Variants in KCNK5 observed in about 807,000 individuals in gnomAD.
KCNK5 encodes potassium two pore domain channel subfamily K member 5.
A neutral mutation model predicts 32.9 loss-of-function variants in KCNK5; 18 were observed. The observed-to-expected ratio is 0.55, with a 90% confidence interval of 0.38 to 0.81. The LOEUF (loss-of-function observed/expected upper bound fraction) is 0.81. Ranked by LOEUF, KCNK5 falls within the 30% of genes least tolerant of loss-of-function variation. The probability of loss-of-function intolerance (pLI) is 0.00; values close to 1 mark genes in which losing one functional copy is unlikely to be tolerated. For missense variants in KCNK5, 507 were observed against 651.0 expected, an observed-to-expected ratio of 0.78 and a Z score of 2.41; for synonymous variants, 276 against 275.3, an observed-to-expected ratio of 1.00 and a Z score of -0.03.
At chr6:39,195,712 G>A (rs1190210936) in intron 2 of KCNK5, among the ~76,000 whole-genome samples, 164 bp downstream of exon 2, 1 of 152,224 alleles carries the variant, frequency 6.6e-6, no homozygotes, top group African/African-American at 2.4e-5. Flanking sequence ...GGCATGATCA[G>A]CTACCAAGGA....
chr6:39,204,212 G>A (rs543684159), intron 1 of KCNK5, among the ~76,000 whole-genome samples: 1 of 152,364 alleles, frequency 6.6e-6, no homozygotes, highest in South Asian at 2.1e-4. Flanking sequence ...CTGGAGTATG[G>A]ATCACATTTG....
intron 1 of KCNK5, among the ~76,000 whole-genome samples, chr6:39,197,840 A>C (rs1207965239): frequency 6.6e-6 from 1 of 152,242 alleles, no homozygotes; most frequent in Non-Finnish European, 1.5e-5. Context: ...ATGATAATTG[A>C]ATCACTGATC....
chr6:39,194,661 A>G lies in KCNK5; in HGVS notation c.398T>C (p.Leu133Pro). The G allele has an allele frequency of 6.2e-6, 10 of 1,614,152 alleles. No individual in the cohort carries two copies. Among genetic ancestry groups the G allele is most frequent in the Non-Finnish European group, 8.5e-6 (10 of 1,180,024 alleles). The change falls in exon 3 of 5, where the codon CTG becomes CCG. Residue 133 changes from leucine (L) to proline (P), a missense_variant. Physicochemically the swap from Leu to Pro is moderately conservative, Grantham distance 98. Coordinates refer to ENST00000359534, the MANE Select transcript of KCNK5 (RefSeq NM_003740.4). This position sits in a 1 kb window ranked among gnomAD's most constrained non-coding sequence, Gnocchi z 4.7. ...GGCACGTCCCCCGAAGAACTTGCCC[A>G]GGGCACTGATCCACGTCAGGCAGAG... ...VPLCLTWISA[L>P]GKFFGGRAKR...
chr6:39,193,693 G>A (rs904783387), intron 4 of KCNK5, among the ~76,000 whole-genome samples: 5 of 152,216 alleles, frequency 3.3e-5, no homozygotes, highest in Non-Finnish European at 4.4e-5. Context: ...TTGTCTTTAA[G>A]CTGCTACAGC....
At chr6:39,224,666 CG>C (rs1301329300) in intron 1 of KCNK5, among the ~76,000 whole-genome samples, 2 of 152,102 alleles carry the variant, frequency 1.3e-5, no homozygotes, top group Non-Finnish European at 2.9e-5. Context: ...AAGAGGCTTC[CG>C]GGAACAGGTC....
At chr6:39,214,663 G>C (rs923390095) in intron 1 of KCNK5, among the ~76,000 whole-genome samples, 4 of 152,132 alleles carry the variant, frequency 2.6e-5, no homozygotes, top group African/African-American at 9.7e-5. Flanking sequence ...TGTAGGGAGG[G>C]AGGGCAGAGA....
chr6:39,194,855 T>A lies in KCNK5; in HGVS notation c.299-95A>T. ...CACACAGCCCGTTCTCTAAGATAAA[T>A]TGATATTGATCTATTGTCAGTACTT... On this transcript the variant is annotated intron_variant, in intron 2 of 4. Transcript: ENST00000359534. This position sits in a 1 kb window ranked among gnomAD's most constrained non-coding sequence, Gnocchi z 4.7. 1 of 1,030,782 alleles carries A rather than the reference T, an allele frequency of 9.7e-7. No homozygotes were observed. The highest frequency in any genetic ancestry group is 1.5e-6 in the Non-Finnish European group (1 of 676,344). 63.9% of individuals were successfully genotyped at this position (1,030,782 alleles called of 1,614,324 possible).
intron 1 of KCNK5, among the ~76,000 whole-genome samples, chr6:39,217,441 A>G (rs2113795607): frequency 6.6e-6 from 1 of 152,290 alleles, no homozygotes; most frequent in Non-Finnish European, 1.5e-5. Context: ...TGGGAGCCCT[A>G]CTAGGACACG....
rs1770880208 is a variant in KCNK5 at position 39,189,424 on chromosome 6, A to T, written c.*1466T>A. ...TCATGGCCTTGGATGAGGTCACCGA[A>T]AAAGGCCCAATTGAGTTGCAGGGCA... On this transcript the variant is annotated 3_prime_UTR_variant, in exon 5 of 5. Coordinates refer to ENST00000359534, the MANE Select transcript of KCNK5 (RefSeq NM_003740.4). 6.6e-6 allele frequency: 1 copy of T among 152,574 alleles called. No homozygotes were observed. Among genetic ancestry groups the T allele is most frequent in the Admixed American group, 6.5e-5 (1 of 15,282 alleles). 9.5% of individuals were successfully genotyped at this position (152,574 alleles called of 1,614,324 possible). A position where few individuals can be genotyped will look rare whatever the true frequency, so the allele number is the denominator to read the frequency against.
At chr6:39,198,934 G>T (rs1336310707) in intron 1 of KCNK5, among the ~76,000 whole-genome samples, 2 of 152,192 alleles carry the variant, frequency 1.3e-5, no homozygotes, top group Non-Finnish European at 2.9e-5. Context: ...GTTGTGGAAG[G>T]TATGTCTGGA....
intron 1 of KCNK5, among the ~76,000 whole-genome samples, chr6:39,200,637 A>C (rs1268765686): frequency 6.6e-6 from 1 of 152,006 alleles, no homozygotes. Context: ...CCCACTTCCC[A>C]CCAGCTGAAA....
intron 2 of KCNK5, among the ~76,000 whole-genome samples, chr6:39,195,158 T>C (rs1771007134): frequency 6.6e-6 from 1 of 152,202 alleles, no homozygotes; most frequent in African/African-American, 2.4e-5. Flanking sequence ...CAAGGTGTCA[T>C]CTAATCCTCT....
Position 39,193,786 on chromosome 6 carries a change from G to A in KCNK5, c.634+383C>T, listed in dbSNP as rs137916146. On this transcript the variant is annotated intron_variant, in intron 4 of 4. Transcript: ENST00000359534. The stretch of plus-strand genomic sequence containing the variant: ...TGAAAGATGAAAGGCTGCTGAGGGC[G>A]TGGAGTGGGTGCTGGTGGGCTCAGG... 1.2e-3 allele frequency among the ~76,000 whole-genome samples: 178 copies of A among 152,326 alleles called. 3 individuals are homozygous for A. Among genetic ancestry groups the A allele is most frequent in the African/African-American group, 3.8e-3 (157 of 41,564 alleles).
At chr6:39,209,633 T>C (rs150566475) in intron 1 of KCNK5, among the ~76,000 whole-genome samples, 2 of 152,278 alleles carry the variant, frequency 1.3e-5, no homozygotes, top group Non-Finnish European at 2.9e-5. Context: ...CATAGCCCCA[T>C]TGTGAAATGC....
intron 1 of KCNK5, among the ~76,000 whole-genome samples, chr6:39,216,005 G>C (rs575355727): frequency 1.3e-5 from 2 of 152,212 alleles, no homozygotes; most frequent in African/African-American, 4.8e-5. Flanking sequence ...ATATGGGGCC[G>C]GGCGTGGTGG....
intron 1 of KCNK5, among the ~76,000 whole-genome samples, chr6:39,213,338 C>A (rs191767806): frequency 6.6e-6 from 1 of 152,174 alleles, no homozygotes; most frequent in Non-Finnish European, 1.5e-5. Flanking sequence ...AATCCTGTCT[C>A]CCCAACTCGG....
chr6:39,217,494 T>C (rs1306793261), intron 1 of KCNK5, among the ~76,000 whole-genome samples: 1 of 152,196 alleles, frequency 6.6e-6, no homozygotes, highest in Non-Finnish European at 1.5e-5. Flanking sequence ...GGGCACTGCT[T>C]CCAAGAAGCC....
chr6:39,221,508 C>T (rs998202798), intron 1 of KCNK5, among the ~76,000 whole-genome samples: 2 of 152,232 alleles, frequency 1.3e-5, no homozygotes, highest in Admixed American at 6.5e-5. Flanking sequence ...CAGGTAACAT[C>T]CCAGCCCAAT....
chr6:39,200,698 T>A (rs542727223), intron 1 of KCNK5, among the ~76,000 whole-genome samples: 58 of 152,320 alleles, frequency 3.8e-4, no homozygotes, highest in Admixed American at 3.5e-3. Flanking sequence ...CTCATGCTGT[T>A]GCTCCAGTGA....
Sources: allele counts gnomAD v4.1 joint callset (sites outside exome capture counted in the v4.1 genomes callset), GRCh38; gene constraint gnomAD v4.1.1; non-coding constraint Gnocchi (gnomAD v3.1); transcripts MANE v1.5; gene names NCBI Gene and HGNC (gene_info 2026-07-23, HGNC 2026-07-21).